The following APBB2 variants were observed in gnomAD, a reference collection of about 807,000 sequenced individuals.
APBB2 encodes the protein amyloid beta precursor protein binding family B member 2, also known as Fe65-like 1.
A neutral mutation model predicts 82.5 loss-of-function variants in APBB2; 38 were observed. That is an observed-to-expected ratio of 0.46 (90% confidence interval 0.36 to 0.60). The LOEUF is 0.60. APBB2 is among the 20% of genes least tolerant of loss of function. APBB2 has a pLI of 0.00. For missense variants in APBB2, 772 were observed against 972.3 expected, an observed-to-expected ratio of 0.79 and a Z score of 2.74; for synonymous variants, 341 against 368.2, an observed-to-expected ratio of 0.93 and a Z score of 0.85.
Position 40,926,701 on chromosome 4 carries a change from G to A in APBB2, c.1254+7755C>T, listed in dbSNP as rs147008447. ...ATCTTGACCTCAGGTGATCCGCCAC[G>A]CCTGGCCCCAAAATGATCTTAAAGC... is the stretch of plus-strand genomic sequence containing the variant. On this transcript the variant is annotated intron_variant, in intron 10 of 17. Transcript: ENST00000508593. Among the ~76,000 whole-genome samples the A allele has an allele frequency of 1.0e-3, 153 of 152,262 alleles. 1 individual carries two copies. In the East Asian group the frequency reaches 0.028, roughly 28 times the overall value.
At chr4:41,022,644 G>C (rs1258967964) in intron 5 of APBB2, among the ~76,000 whole-genome samples, 1 of 152,120 alleles carries the variant, frequency 6.6e-6, no homozygotes, top group African/African-American at 2.4e-5. Flanking sequence ...CTATTAACCT[G>C]TTTGAGTTTC....
chr4:41,030,023 GCACATGC>G (rs1716082586), intron 5 of APBB2, among the ~76,000 whole-genome samples: 1 of 152,148 alleles, frequency 6.6e-6, no homozygotes, highest in Non-Finnish European at 1.5e-5. Context: ...GGGCATGGTG[GCACATGC>G]CTGTAGTCCC....
intron 2 of APBB2, among the ~76,000 whole-genome samples, chr4:41,123,065 C>G (rs1753337290): frequency 6.6e-6 from 1 of 152,062 alleles, no homozygotes; most frequent in Non-Finnish European, 1.5e-5. Flanking sequence ...AAGCCTTGGC[C>G]CAGCACCACA....
intron 6 of APBB2, among the ~76,000 whole-genome samples, chr4:41,000,179 T>C (rs944648696): frequency 4.0e-5 from 6 of 151,272 alleles, no homozygotes; most frequent in East Asian, 3.9e-4. Context: ...GGGGATCACC[T>C]GAGTCCAGGG....
chr4:41,011,885 C>G (rs1713772966), intron 6 of APBB2, among the ~76,000 whole-genome samples: 1 of 151,942 alleles, frequency 6.6e-6, no homozygotes, highest in African/African-American at 2.4e-5. Context: ...TTTTTTGAAA[C>G]AGAGTCTCGC....
intron 6 of APBB2, among the ~76,000 whole-genome samples, chr4:40,982,671 G>A (rs1389270777): frequency 6.6e-6 from 1 of 151,576 alleles, no homozygotes; most frequent in Non-Finnish European, 1.5e-5. Context: ...CACACCTCTA[G>A]TCCCAGCTAC....
chr4:40,996,863 C>T (rs1234777103), intron 6 of APBB2, among the ~76,000 whole-genome samples: 2 of 152,226 alleles, frequency 1.3e-5, no homozygotes, highest in East Asian at 3.9e-4. Flanking sequence ...CCAATTGTCC[C>T]ACAGTGCTGA....
intron 6 of APBB2, among the ~76,000 whole-genome samples, chr4:40,973,987 G>C (rs549547817): frequency 1.3e-5 from 2 of 152,052 alleles, no homozygotes; most frequent in Non-Finnish European, 1.5e-5. Context: ...GAGTAGCTGG[G>C]ATTACAGGCA....
intron 5 of APBB2, among the ~76,000 whole-genome samples, chr4:41,026,102 C>A (rs912648118): frequency 6.6e-6 from 1 of 151,974 alleles, no homozygotes; most frequent in African/African-American, 2.4e-5. Context: ...AACAGAAAAC[C>A]AAGTAGCACA....
intron 6 of APBB2, among the ~76,000 whole-genome samples, chr4:40,952,274 CG>C (rs1375880682): frequency 2.0e-5 from 3 of 151,828 alleles, no homozygotes; most frequent in Non-Finnish European, 4.4e-5. Context: ...TCAGCAGGGC[CG>C]GACTTCCAGG....
intron 1 of APBB2, among the ~76,000 whole-genome samples, chr4:41,197,323 GAACTA>G: frequency 6.6e-6 from 1 of 152,128 alleles, no homozygotes; most frequent in Non-Finnish European, 1.5e-5. Flanking sequence ...TCACTGAACT[GAACTA>G]AAAATATTTG....
intron 10 of APBB2, among the ~76,000 whole-genome samples, chr4:40,906,625 T>C (rs1776830463): frequency 6.6e-6 from 1 of 152,148 alleles, no homozygotes; most frequent in African/African-American, 2.4e-5. Context: ...TATTATTAGT[T>C]ACCTAACTTA....
At chr4:40,889,771 T>C (rs1433695969) in intron 12 of APBB2, among the ~76,000 whole-genome samples, 1 of 152,228 alleles carries the variant, frequency 6.6e-6, no homozygotes, top group Admixed American at 6.5e-5. Context: ...ATGCATTTCT[T>C]ATAAATAACA....
At chr4:40,944,748 T>C (rs1329578141) in intron 7 of APBB2, 117 bp downstream of exon 7, 2 of 952,030 alleles carry the variant, frequency 2.1e-6, no homozygotes, top group Admixed American at 2.1e-5. Context: ...AAATGCAACA[T>C]GCACAATAAT....
chr4:41,108,769 A>G (rs1258563685), intron 2 of APBB2, among the ~76,000 whole-genome samples: 1 of 152,162 alleles, frequency 6.6e-6, no homozygotes, highest in African/African-American at 2.4e-5. Flanking sequence ...CAGTCCCTGA[A>G]ACCTGACATG....
chr4:40,999,043 A>T (rs1804417738), intron 6 of APBB2, among the ~76,000 whole-genome samples: 1 of 152,198 alleles, frequency 6.6e-6, no homozygotes, highest in South Asian at 2.1e-4. Flanking sequence ...AGGTAACTGA[A>T]GCCACAGAAA....
intron 12 of APBB2, among the ~76,000 whole-genome samples, chr4:40,833,322 T>C (rs547544966): frequency 7.2e-5 from 11 of 152,254 alleles, no homozygotes; most frequent in African/African-American, 1.9e-4. Flanking sequence ...TTCCAGCATG[T>C]TCCTCCCACT....
intron 5 of APBB2, among the ~76,000 whole-genome samples, chr4:41,024,935 C>T (rs1713338869): frequency 6.6e-6 from 1 of 152,184 alleles, no homozygotes; most frequent in Admixed American, 6.5e-5. Flanking sequence ...TAATTAACTC[C>T]CTTTGTTCTG....
chr4:40,960,749 T>G (rs989081142), intron 6 of APBB2, among the ~76,000 whole-genome samples: 1 of 152,106 alleles, frequency 6.6e-6, no homozygotes, highest in Non-Finnish European at 1.5e-5. Flanking sequence ...GCCCCGCCAC[T>G]TTTTTTCTGT....
Sources: allele counts gnomAD v4.1 joint callset (sites outside exome capture counted in the v4.1 genomes callset), GRCh38; gene constraint gnomAD v4.1.1; transcripts MANE v1.5; gene names NCBI Gene and HGNC (gene_info 2026-07-23, HGNC 2026-07-21).